The following PTPRM variants were observed in gnomAD, a reference collection of about 807,000 sequenced individuals.
PTPRM encodes the protein receptor-type tyrosine-protein phosphatase mu.
Under a neutral mutation model 186.7 loss-of-function variants are expected in PTPRM, and 47 were observed. The ratio of observed to expected loss-of-function variants is 0.25; its 90% CI spans 0.20 to 0.32. PTPRM has a LOEUF of 0.32. Ranked by LOEUF, PTPRM falls within the 10% of genes least tolerant of loss-of-function variation. The pLI is 1.00. For synonymous variants in PTPRM, 668 were observed against 674.9 expected (o/e 0.99, Z 0.16); for missense variants, 1,494 against 1,865.0 (o/e 0.80, Z 3.66).
chr18:7,739,690 C>T (rs749430013), intron 1 of PTPRM, among the ~76,000 whole-genome samples: 3 of 152,082 alleles, frequency 2.0e-5, no homozygotes, highest in Non-Finnish European at 4.4e-5. Flanking sequence ...ATGTTCTGCT[C>T]ATTACCGTCT....
At chr18:8,258,508 GGA>G (rs1178123393) in intron 19 of PTPRM, among the ~76,000 whole-genome samples, 2 of 152,098 alleles carry the variant, frequency 1.3e-5, no homozygotes, top group African/African-American at 4.8e-5. Flanking sequence ...CTGTGCGAGT[GGA>G]GAGTGAGTTC....
intron 19 of PTPRM, among the ~76,000 whole-genome samples, chr18:8,263,806 G>C (rs2094664273): frequency 2.0e-5 from 3 of 152,184 alleles, no homozygotes; most frequent in South Asian, 4.1e-4. Context: ...TCCACAGAGG[G>C]CATGGAAGCT....
intron 15 of PTPRM, among the ~76,000 whole-genome samples, chr18:8,247,125 A>T (rs2094484041): frequency 6.6e-6 from 1 of 152,202 alleles, no homozygotes; most frequent in Non-Finnish European, 1.5e-5. Flanking sequence ...TTACTTAAAA[A>T]AATTATTCTA....
chr18:7,979,606 A>AT (rs556384149), intron 7 of PTPRM, among the ~76,000 whole-genome samples: 388 of 152,218 alleles, frequency 2.5e-3, no homozygotes, highest in Middle Eastern at 3.4e-3. Context: ...TGCATTACAT[A>AT]TTTTTTTCCA....
intron 1 of PTPRM, among the ~76,000 whole-genome samples, chr18:7,580,186 C>A (rs1205147920): frequency 6.6e-6 from 1 of 152,088 alleles, no homozygotes; most frequent in Non-Finnish European, 1.5e-5. Context: ...TGTCTTAGTT[C>A]AGATTAGTTT....
chr18:7,818,406 G>T (rs1389223700), intron 2 of PTPRM, among the ~76,000 whole-genome samples: 1 of 151,968 alleles, frequency 6.6e-6, no homozygotes, highest in Non-Finnish European at 1.5e-5. Context: ...TTCCTTCTTT[G>T]TGCCTCTTCC....
chr18:8,050,686 A>G (rs750727952), intron 7 of PTPRM, among the ~76,000 whole-genome samples: 2 of 152,198 alleles, frequency 1.3e-5, no homozygotes, highest in African/African-American at 2.4e-5. Flanking sequence ...AAACTTACAT[A>G]AACATAAACC....
intron 1 of PTPRM, among the ~76,000 whole-genome samples, chr18:7,643,977 C>T (rs967425899): frequency 6.6e-6 from 1 of 152,062 alleles, no homozygotes; most frequent in Non-Finnish European, 1.5e-5. Context: ...AATAACCAGA[C>T]AGCACATATT....
intron 14 of PTPRM, among the ~76,000 whole-genome samples, chr18:8,240,649 GAGAGAAAGAAAGAAAGAA>G (rs1438873341): frequency 0.041 from 1,413 of 34,656 alleles, 95 homozygotes; most frequent in African/African-American, 0.16. Context: ...GAGAGAGAGA[GAGAGAAAGAAAGAAAGAA>G]AGAAAGAAAG....
intron 2 of PTPRM, among the ~76,000 whole-genome samples, chr18:7,779,059 G>A (rs1329190322): frequency 6.6e-6 from 1 of 152,130 alleles, no homozygotes; most frequent in Non-Finnish European, 1.5e-5. Context: ...GCTTAAAAAT[G>A]TAACCCTGTC....
At chr18:7,572,009 C>G (rs964357715) in intron 1 of PTPRM, among the ~76,000 whole-genome samples, 2 of 152,088 alleles carry the variant, frequency 1.3e-5, no homozygotes, top group African/African-American at 4.8e-5. Context: ...TTTCAAGGTG[C>G]TTTCGCTAGA....
At chr18:8,197,522 A>C (rs1227906921) in intron 14 of PTPRM, among the ~76,000 whole-genome samples, 1 of 152,270 alleles carries the variant, frequency 6.6e-6, no homozygotes, top group African/African-American at 2.4e-5. Flanking sequence ...TAAAAGAAAC[A>C]GAATTAAGAA....
chr18:7,916,460 A>G (rs888414638), intron 4 of PTPRM, among the ~76,000 whole-genome samples: 3 of 152,204 alleles, frequency 2.0e-5, no homozygotes, highest in Non-Finnish European at 2.9e-5. Flanking sequence ...CAGCAGAAAT[A>G]TACTTCTTAC....
At chr18:7,663,230 A>G (rs1459512011) in intron 1 of PTPRM, among the ~76,000 whole-genome samples, 1 of 152,170 alleles carries the variant, frequency 6.6e-6, no homozygotes, top group Non-Finnish European at 1.5e-5. Flanking sequence ...CAGCAGCATC[A>G]TTGCACACTT....
chr18:8,161,786 A>G (rs1026894836), intron 14 of PTPRM, among the ~76,000 whole-genome samples: 1 of 152,136 alleles, frequency 6.6e-6, no homozygotes, highest in African/African-American at 2.4e-5. Flanking sequence ...GTGCTCATTC[A>G]TACCCTGTGA....
intron 14 of PTPRM, among the ~76,000 whole-genome samples, chr18:8,225,533 G>A (rs1012436288): frequency 1.3e-5 from 2 of 152,230 alleles, no homozygotes; most frequent in Middle Eastern, 3.4e-3. Context: ...CTGGAAAATG[G>A]CATTTAGAGA....
intron 2 of PTPRM, among the ~76,000 whole-genome samples, chr18:7,794,365 A>T (rs1391207251): frequency 2.0e-5 from 3 of 152,086 alleles, no homozygotes; most frequent in African/African-American, 7.2e-5. Context: ...GCCTGTCTGT[A>T]TGCTCCCCTA....
chr18:8,064,674 T>G (rs561080215), intron 7 of PTPRM, among the ~76,000 whole-genome samples: 1 of 152,214 alleles, frequency 6.6e-6, no homozygotes, highest in Non-Finnish European at 1.5e-5. Flanking sequence ...AATTAAAGAT[T>G]GTTGTATCCC....
chr18:7,820,541 C>T (rs1009345572), intron 2 of PTPRM, among the ~76,000 whole-genome samples: 3 of 152,136 alleles, frequency 2.0e-5, no homozygotes, highest in Admixed American at 6.5e-5. Context: ...CTGATTTTGA[C>T]TGTAGAGGTA....
Sources: gnomAD v4.1 joint callset for allele counts (sites outside exome capture counted in the v4.1 genomes callset) on GRCh38, gnomAD v4.1.1 for gene constraint, MANE v1.5 for transcripts, NCBI Gene and HGNC (gene_info 2026-07-23, HGNC 2026-07-21) for gene names.